Variants in IFT56 observed in about 807,000 individuals in gnomAD.
The protein encoded by IFT56 is intraflagellar transport 56, also known as intraflagellar transport protein 56.
chr7:139,161,543 GA>G, the IFT56 span, among the ~76,000 whole-genome samples: 1 of 152,218 alleles, frequency 6.6e-6, no homozygotes, highest in African/African-American at 2.4e-5. Flanking sequence ...GTGAGATGCA[GA>G]ACAGCTGCTC....
chr7:139,187,517 A>G, the IFT56 span: 4 of 1,614,196 alleles, frequency 2.5e-6, no homozygotes, highest in East Asian at 6.7e-5. Context: ...TTTCCAGATG[A>G]TCATAGCTGG....
chr7:139,148,317 C>T, the IFT56 span: 1 of 1,613,924 alleles, frequency 6.2e-7, no homozygotes. Flanking sequence ...CTGATAGTAC[C>T]ATCGCACTCA....
the IFT56 span, chr7:139,165,052 A>G: frequency 9.0e-7 from 1 of 1,109,610 alleles, no homozygotes; most frequent in Non-Finnish European, 1.3e-6. Flanking sequence ...ACCCAGTTAT[A>G]TATGCCAGCT....
At chr7:139,179,159 A>G in the IFT56 span, among the ~76,000 whole-genome samples, 1 of 152,204 alleles carries the variant, frequency 6.6e-6, no homozygotes, top group African/African-American at 2.4e-5. Flanking sequence ...AAGTGGGAGG[A>G]TCACTTGAGC....
the IFT56 span, chr7:139,169,396 TG>T: frequency 6.5e-7 from 1 of 1,549,666 alleles, no homozygotes; most frequent in Non-Finnish European, 8.9e-7. Flanking sequence ...ATAATTGGAG[TG>T]GGGCATATAT....
At chr7:139,168,814 A>G in the IFT56 span, among the ~76,000 whole-genome samples, 1 of 152,194 alleles carries the variant, frequency 6.6e-6, no homozygotes, top group Non-Finnish European at 1.5e-5. Context: ...GTCTAAAATT[A>G]AGCTCTTATC....
chr7:139,163,847 C>G, the IFT56 span, among the ~76,000 whole-genome samples: 1 of 151,974 alleles, frequency 6.6e-6, no homozygotes, highest in African/African-American at 2.4e-5. Context: ...AAAAAGGAAC[C>G]AAAAAAGCAC....
the IFT56 span, among the ~76,000 whole-genome samples, chr7:139,148,718 A>G: frequency 2.6e-5 from 4 of 151,262 alleles, no homozygotes; most frequent in Non-Finnish European, 5.9e-5. Flanking sequence ...TGAGGCCAGG[A>G]GTTTGAGACC....
At chr7:139,133,936 C>G in the IFT56 span, 2 of 1,566,106 alleles carry the variant, frequency 1.3e-6, no homozygotes, top group East Asian at 4.5e-5. Context: ...CAGCACACTT[C>G]TGTGTGAAGT....
chr7:139,176,202 A>G, the IFT56 span, among the ~76,000 whole-genome samples: 1 of 151,972 alleles, frequency 6.6e-6, no homozygotes, highest in East Asian at 1.9e-4. Context: ...CTAGAAGAGT[A>G]TAATTGGATT....
At chr7:139,148,343 A>G in the IFT56 span, 2 of 1,613,544 alleles carry the variant, frequency 1.2e-6, no homozygotes, top group Non-Finnish European at 1.7e-6. Flanking sequence ...AAAGCCTGTA[A>G]CCATTTTCGC....
the IFT56 span, among the ~76,000 whole-genome samples, chr7:139,182,398 G>T: frequency 1.3e-5 from 2 of 152,194 alleles, no homozygotes; most frequent in Non-Finnish European, 2.9e-5. Context: ...ATGACTTGGT[G>T]GGTGGCAATG....
At chr7:139,137,807 C>A in the IFT56 span, 12 of 1,554,376 alleles carry the variant, frequency 7.7e-6, no homozygotes, top group Non-Finnish European at 1.1e-5. Flanking sequence ...GTTTACTATT[C>A]AAAATTTTCA....
At chr7:139,134,003 G>A in the IFT56 span, 4 of 988,682 alleles carry the variant, frequency 4.0e-6, no homozygotes, top group African/African-American at 1.6e-5. Context: ...ACGGGGGACA[G>A]GGATGCAACT....
the IFT56 span, among the ~76,000 whole-genome samples, chr7:139,147,791 G>A: frequency 1.3e-5 from 2 of 151,864 alleles, no homozygotes; most frequent in South Asian, 4.2e-4. Flanking sequence ...TAAACACTTG[G>A]CCTCTCTCTC....
the IFT56 span, chr7:139,178,747 G>A: frequency 2.9e-6 from 2 of 692,898 alleles, no homozygotes; most frequent in Non-Finnish European, 4.8e-6. Context: ...TGGAGAAGGT[G>A]CAGTGACACA....
chr7:139,180,352 A>C, the IFT56 span, among the ~76,000 whole-genome samples: 1 of 151,810 alleles, frequency 6.6e-6, no homozygotes, highest in African/African-American at 2.4e-5. Flanking sequence ...AGAAAAAAAA[A>C]AGAACTTTAC....
chr7:139,139,349 G>A, the IFT56 span, among the ~76,000 whole-genome samples: 1 of 152,140 alleles, frequency 6.6e-6, no homozygotes, highest in Admixed American at 6.6e-5. Flanking sequence ...ATGAAATAAA[G>A]ACACCTGGGA....
chr7:139,186,044 A>C, the IFT56 span, among the ~76,000 whole-genome samples: 1 of 152,052 alleles, frequency 6.6e-6, no homozygotes, highest in Non-Finnish European at 1.5e-5. Context: ...GTCAGGAATA[A>C]AGAAGTAACT....
Sources: allele counts gnomAD v4.1 joint callset (sites outside exome capture counted in the v4.1 genomes callset), GRCh38; gene constraint gnomAD v4.1.1; transcripts MANE v1.5; gene names NCBI Gene and HGNC (gene_info 2026-07-23, HGNC 2026-07-21).